The following NBAS variants were observed in gnomAD, a reference collection of about 807,000 sequenced individuals.
The protein encoded by NBAS is NAG/BC035112 fusion.
In NBAS, 219 loss-of-function variants were observed where a neutral mutation model predicts 302.5. That is an observed-to-expected ratio of 0.72 (90% confidence interval 0.65 to 0.81). The LOEUF (loss-of-function observed/expected upper bound fraction) is 0.81. Among genes scored for constraint, NBAS ranks in the 30% least tolerant of loss-of-function variants. The pLI is 0.00. For synonymous variants in NBAS, 1,118 were observed against 1,021.6 expected, an observed-to-expected ratio of 1.09 and a Z score of -1.80; for missense variants, 2,932 against 2,841.6, an observed-to-expected ratio of 1.03 and a Z score of -0.72.
the NBAS span, among the ~76,000 whole-genome samples, chr2:14,948,338 G>T: frequency 6.6e-6 from 1 of 151,870 alleles, no homozygotes; most frequent in Non-Finnish European, 1.5e-5. Flanking sequence ...CAGGTCCTGG[G>T]CATATTTTTA....
intron 29 of NBAS, 93 bp downstream of exon 29, chr2:15,383,122 A>G: frequency 9.6e-7 from 1 of 1,040,690 alleles, no homozygotes; most frequent in Admixed American, 2.0e-5. Flanking sequence ...TATTACTTCC[A>G]GGGTAGCTTA....
chr2:15,525,247 C>A (rs997899547), intron 9 of NBAS, among the ~76,000 whole-genome samples: 3 of 152,184 alleles, frequency 2.0e-5, no homozygotes, highest in African/African-American at 7.2e-5. Context: ...AATGAATCTT[C>A]CCACAACGCC....
chr2:15,101,409 T>C, the NBAS span, among the ~76,000 whole-genome samples: 14 of 152,136 alleles, frequency 9.2e-5, no homozygotes, highest in African/African-American at 3.1e-4. Context: ...TTATACAAGA[T>C]ACTACATATA....
the NBAS span, among the ~76,000 whole-genome samples, chr2:14,827,412 T>C: frequency 6.6e-6 from 1 of 152,210 alleles, no homozygotes; most frequent in Admixed American, 6.5e-5. Flanking sequence ...TAGACATGAG[T>C]CAACACTTGG....
intron 50 of NBAS, among the ~76,000 whole-genome samples, chr2:15,186,264 A>C (rs1401736651): frequency 6.6e-6 from 1 of 152,058 alleles, no homozygotes; most frequent in East Asian, 1.9e-4. Context: ...AAGGTCAAAA[A>C]GGAGGTGCCT....
chr2:15,384,693 CTTAG>C (rs1675203527), intron 28 of NBAS, among the ~76,000 whole-genome samples: 1 of 152,082 alleles, frequency 6.6e-6, no homozygotes, highest in Non-Finnish European at 1.5e-5. Flanking sequence ...CAAAGTTCAT[CTTAG>C]TTAAATACAC....
At chr2:14,880,162 A>G in the NBAS span, among the ~76,000 whole-genome samples, 1 of 152,272 alleles carries the variant, frequency 6.6e-6, no homozygotes, top group African/African-American at 2.4e-5. Context: ...TAAAAACCAT[A>G]TACAGATGAA....
At chr2:15,250,154 C>A (rs547520741) in intron 44 of NBAS, among the ~76,000 whole-genome samples, 1 of 152,224 alleles carries the variant, frequency 6.6e-6, no homozygotes, top group Non-Finnish European at 1.5e-5. Flanking sequence ...TCAGAAATAA[C>A]GCCACACATC....
At chr2:14,810,603 G>A in the NBAS span, among the ~76,000 whole-genome samples, 1 of 152,148 alleles carries the variant, frequency 6.6e-6, no homozygotes, top group Non-Finnish European at 1.5e-5. Context: ...AACTAATACA[G>A]CTGGTCTGGT....
intron 40 of NBAS, among the ~76,000 whole-genome samples, chr2:15,292,990 T>G: frequency 6.6e-6 from 1 of 152,140 alleles, no homozygotes; most frequent in Non-Finnish European, 1.5e-5. Context: ...CAAAAACAGC[T>G]TTTTGAACTC....
At chr2:15,205,560 A>G (rs1385299151) in intron 48 of NBAS, among the ~76,000 whole-genome samples, 6 of 151,790 alleles carry the variant, frequency 4.0e-5, no homozygotes, top group Non-Finnish European at 8.8e-5. Context: ...ATAAAGGGGG[A>G]AAAAAAAGAG....
At chr2:15,443,261 C>T (rs571719094) in intron 21 of NBAS, among the ~76,000 whole-genome samples, 1 of 151,832 alleles carries the variant, frequency 6.6e-6, no homozygotes, top group African/African-American at 2.4e-5. Flanking sequence ...CAATAAAATA[C>T]TGGCAAACCG....
chr2:15,075,380 G>A, the NBAS span, among the ~76,000 whole-genome samples: 780 of 152,208 alleles, frequency 5.1e-3, 6 homozygotes, highest in African/African-American at 0.017. Context: ...GGAATCAGCC[G>A]CTTGGATGCC....
the NBAS span, among the ~76,000 whole-genome samples, chr2:14,946,808 A>G: frequency 6.6e-6 from 1 of 152,184 alleles, no homozygotes; most frequent in Admixed American, 6.6e-5. Flanking sequence ...CAAATTCAAT[A>G]AAGTAAAAAT....
At chr2:14,951,628 T>C in the NBAS span, among the ~76,000 whole-genome samples, 37 of 152,320 alleles carry the variant, frequency 2.4e-4, no homozygotes, top group Admixed American at 2.3e-3. Context: ...ATACAAGAAC[T>C]CCGCATTCCT....
chr2:15,409,328 T>C (rs1015032537), intron 25 of NBAS, among the ~76,000 whole-genome samples: 1 of 152,212 alleles, frequency 6.6e-6, no homozygotes, highest in Non-Finnish European at 1.5e-5. Flanking sequence ...GTATCTTTCA[T>C]TGATTTTAGG....
chr2:15,166,001 C>T (rs186548124), downstream of NBAS, among the ~76,000 whole-genome samples: 2,051 of 152,268 alleles, frequency 0.013, 44 homozygotes, highest in Middle Eastern at 0.027. Context: ...GGTGTGGATG[C>T]TCTCCCCCAG....
intron 9 of NBAS, among the ~76,000 whole-genome samples, chr2:15,524,656 C>T (rs76046531): frequency 0.039 from 5,945 of 152,218 alleles, 365 homozygotes; most frequent in African/African-American, 0.13. Context: ...TGCTATCCCT[C>T]ATTAGGGCAA....
At chr2:14,998,034 A>G in the NBAS span, among the ~76,000 whole-genome samples, 1 of 151,940 alleles carries the variant, frequency 6.6e-6, no homozygotes, top group Non-Finnish European at 1.5e-5. Context: ...TATTCTTTAC[A>G]CCCTACCTGT....
Sources: gnomAD v4.1 joint callset for allele counts (sites outside exome capture counted in the v4.1 genomes callset) on GRCh38, gnomAD v4.1.1 for gene constraint, MANE v1.5 for transcripts, NCBI Gene and HGNC (gene_info 2026-07-23, HGNC 2026-07-21) for gene names.